WNT7B: variants seen among roughly 807,000 people sequenced by gnomAD.
WNT7B encodes the protein Wnt family member 7B.
In WNT7B, 19 loss-of-function variants were observed where a neutral mutation model predicts 38.2. The ratio of observed to expected loss-of-function variants is 0.50; its 90% CI spans 0.35 to 0.73. WNT7B has a LOEUF of 0.73. Among genes scored for constraint, WNT7B ranks in the 30% least tolerant of loss-of-function variants. The probability of loss-of-function intolerance (pLI) is 0.01; values close to 1 mark genes in which losing one functional copy is unlikely to be tolerated. For synonymous variants in WNT7B, 243 were observed against 209.3 expected, an observed-to-expected ratio of 1.16 and a Z score of -1.39; for missense variants, 423 against 507.9, an observed-to-expected ratio of 0.83 and a Z score of 1.61.
Position 45,931,202 on chromosome 22 carries a change from C to G in WNT7B, c.466G>C (p.Val156Leu). ...GWKWGGCSAD[V>L]RYGIDFSRRF... ...CGGGAGAAGTCGATGCCGTAACGCA[C>G]GTCGGCCGAGCAGCCGCCCCACTTC... The change falls in exon 3 of 4, where the codon GTG becomes CTG. Residue 156 changes from valine (V) to leucine (L), a missense_variant. Physicochemically the swap from Val to Leu is conservative, Grantham distance 32. Coordinates refer to ENST00000339464, the MANE Select transcript of WNT7B (RefSeq NM_058238.3). 1.3e-6 allele frequency: 2 copies of G among 1,599,458 alleles called. No homozygotes were observed. The highest frequency in any genetic ancestry group is 1.7e-6 in the Non-Finnish European group (2 of 1,179,826).
intron 3 of WNT7B, among the ~76,000 whole-genome samples, chr22:45,929,870 A>G (rs1168293691): frequency 6.7e-6 from 1 of 149,218 alleles, no homozygotes; most frequent in South Asian, 2.1e-4. Flanking sequence ...CCATCCATCC[A>G]TCCAACCATC....
At chr22:45,946,740 A>T (rs978732442) in intron 2 of WNT7B, among the ~76,000 whole-genome samples, 1 of 152,154 alleles carries the variant, frequency 6.6e-6, no homozygotes, top group African/African-American at 2.4e-5. Flanking sequence ...CTTAGAAGAA[A>T]CCATCTGTCT....
At chr22:45,949,374 A>G (rs1222673809) in intron 2 of WNT7B, among the ~76,000 whole-genome samples, 1 of 105,716 alleles carries the variant, frequency 9.5e-6, no homozygotes, top group Non-Finnish European at 1.8e-5. Flanking sequence ...CCCGTGCTCC[A>G]CGTGTCATGC....
chr22:45,922,218 C>G lies in WNT7B; in HGVS notation c.*638G>C, dbSNP rs1313137401. ...GTGGTCCCCATCAACCCCAGGCTGC[C>G]TCAGCTCTGCAGGGGCAGAGGGCCG... On this transcript the variant is annotated 3_prime_UTR_variant, in exon 4 of 4. Coordinates refer to ENST00000339464, the MANE Select transcript of WNT7B (RefSeq NM_058238.3). The G allele has an allele frequency of 1.3e-5, 2 of 153,016 alleles. No homozygotes were observed. Among genetic ancestry groups the G allele is most frequent in the Non-Finnish European group, 2.9e-5 (2 of 68,676 alleles). The allele number at this position is 153,016 out of a possible 1,614,324, so 9.5% of individuals were successfully genotyped here.
At chr22:45,924,642 T>TCAGGTGGGTGC (rs1931019502) in intron 3 of WNT7B, among the ~76,000 whole-genome samples, 1 of 152,086 alleles carries the variant, frequency 6.6e-6, no homozygotes, top group Non-Finnish European at 1.5e-5. Flanking sequence ...CAAAGGCTCA[T>TCAGGTGGGTGC]CAGGTGGGTG....
rs1185820602 is a variant in WNT7B at position 45,975,519 on chromosome 22, C to A, written c.71+1165G>T. ...TCTGAAGCCACTGGCTTTGTCTCTG[C>A]AGGCCTTGGGCCTCAGTTTCTCCAC... is the stretch of plus-strand genomic sequence containing the variant. On this transcript the variant is annotated intron_variant, in intron 1 of 3. Transcript: ENST00000339464. This position sits in a 1 kb window ranked among gnomAD's most constrained non-coding sequence, Gnocchi z 6.6. The A allele has an allele frequency of 2.8e-6, 2 of 716,230 alleles. No individual in the cohort carries two copies. Among genetic ancestry groups the A allele is most frequent in the Admixed American group, 2.0e-5 (1 of 49,904 alleles). 44.4% of individuals were successfully genotyped at this position (716,230 alleles called of 1,614,324 possible).
rs1932454505 is a variant in WNT7B at position 45,972,043 on chromosome 22, C to G, written c.71+4641G>C. On this transcript the variant is annotated intron_variant, in intron 1 of 3. Transcript: ENST00000339464. ...CCCGGCTCCCGCGCGCGACGGTCAC[C>G]CGGTGCCCCGCCCAGGGGCCTCGCT... 5 of 471,056 alleles carry G rather than the reference C, an allele frequency of 1.1e-5. No homozygotes were observed. In the South Asian group the frequency reaches 1.6e-4, roughly 15 times the overall value. 29.2% of individuals were successfully genotyped at this position (471,056 alleles called of 1,614,324 possible). A position where few individuals can be genotyped will look rare whatever the true frequency, so the allele number is the denominator to read the frequency against.
At position 45,922,812 on chromosome 22, in the gene WNT7B, G is replaced by A. The variant is rs1244477149; in HGVS notation, c.*44C>T. On this transcript the variant is annotated 3_prime_UTR_variant, in exon 4 of 4. Coordinates refer to ENST00000339464, the MANE Select transcript of WNT7B (RefSeq NM_058238.3). ...AAGGTGAGGAGTGGATGTGCAAAAT[G>A]CCGCCGGGTTCCAGGGTGCCCGCGG... The A allele has an allele frequency of 6.4e-7, 1 of 1,558,140 alleles. No homozygotes were observed. Among genetic ancestry groups the A allele is most frequent in the East Asian group, 2.3e-5 (1 of 44,234 alleles).
intron 3 of WNT7B, among the ~76,000 whole-genome samples, chr22:45,929,966 A>G (rs2082685985): frequency 6.6e-6 from 1 of 150,600 alleles, no homozygotes; most frequent in Admixed American, 6.6e-5. Flanking sequence ...TCATACATCT[A>G]TCCATCCATC....
chr22:45,937,842 T>C (rs947390982), intron 2 of WNT7B, among the ~76,000 whole-genome samples: 3 of 151,994 alleles, frequency 2.0e-5, no homozygotes, highest in African/African-American at 7.3e-5. Context: ...AAACCCCAGG[T>C]CTACTAAAAA....
At position 45,976,621 on chromosome 22, in the gene WNT7B, C is replaced by T. The variant is rs1932556883; in HGVS notation, c.71+63G>A. 6.4e-7 allele frequency: 1 copy of T among 1,554,774 alleles called. No homozygotes were observed. Among genetic ancestry groups the T allele is most frequent in the Non-Finnish European group, 8.7e-7 (1 of 1,143,082 alleles). Reference sequence around the variant, plus strand: ...TCCCCACGTCCCCACGGGGACGCCCCGGAGGCAGCTCCTTCGTGCTGTCTT... The same window carrying T: ...TCCCCACGTCCCCACGGGGACGCCCTGGAGGCAGCTCCTTCGTGCTGTCTT... On this transcript the variant is annotated intron_variant, in intron 1 of 3. Coordinates refer to ENST00000339464, the MANE Select transcript of WNT7B (RefSeq NM_058238.3). The surrounding 1 kb of genome is among the most constrained non-coding windows in gnomAD (Gnocchi z 8.5).
In WNT7B at chr22:45,961,477, C is replaced by T. The variant is rs191239367; in HGVS notation, c.72-11331G>A. Among the ~76,000 whole-genome samples the T allele has an allele frequency of 2.1e-4, 31 of 147,280 alleles. No homozygotes were observed. In the East Asian group the frequency reaches 6.8e-3, roughly 32 times the overall value. On this transcript the variant is annotated intron_variant, in intron 1 of 3. Transcript: ENST00000339464. ...CGTTTCCCACCCTGTCCCACCCTCT[C>T]CCCACTGTGGTTCCCCTGGCTGGTC...
chr22:45,927,674 T>C, intron 3 of WNT7B: 2 of 715,624 alleles, frequency 2.8e-6, no homozygotes, highest in East Asian at 5.4e-5. Context: ...GGCGGGCAGA[T>C]CACCTGAGGT....
chr22:45,926,015 G>A (rs1931072345), intron 3 of WNT7B: 1 of 985,396 alleles, frequency 1.0e-6, no homozygotes. Context: ...TCAAGGCCAG[G>A]GAACCCAGCT....
intron 1 of WNT7B, among the ~76,000 whole-genome samples, chr22:45,973,716 A>C (rs1932498824): frequency 6.6e-6 from 1 of 152,210 alleles, no homozygotes; most frequent in African/African-American, 2.4e-5. Flanking sequence ...TGAAGCCATC[A>C]GGTTTTCAAA....
intron 1 of WNT7B, chr22:45,954,539 T>A (rs2146737193): frequency 1.0e-6 from 1 of 980,572 alleles, no homozygotes; most frequent in East Asian, 1.1e-4. Flanking sequence ...CTGCTTGCCT[T>A]CTTGCACGCT....
At chr22:45,950,849 G>C (rs1052324939) in intron 1 of WNT7B, among the ~76,000 whole-genome samples, 1 of 152,226 alleles carries the variant, frequency 6.6e-6, no homozygotes, top group African/African-American at 2.4e-5. Context: ...AGGGTGACTG[G>C]GTGCACGCAG....
intron 1 of WNT7B, among the ~76,000 whole-genome samples, chr22:45,958,652 C>T (rs778300966): frequency 6.6e-6 from 1 of 152,196 alleles, no homozygotes; most frequent in Non-Finnish European, 1.5e-5. Flanking sequence ...AGTTCAGCAG[C>T]CTGCCTGGTA....
intron 1 of WNT7B, among the ~76,000 whole-genome samples, chr22:45,962,118 C>T (rs892685920): frequency 8.6e-5 from 13 of 151,988 alleles, no homozygotes; most frequent in African/African-American, 3.1e-4. Flanking sequence ...GCCTGGGACC[C>T]CACCCTGGAG....
Sources: gnomAD v4.1 joint callset for allele counts (sites outside exome capture counted in the v4.1 genomes callset) on GRCh38, gnomAD v4.1.1 for gene constraint, Gnocchi (gnomAD v3.1) non-coding constraint, MANE v1.5 for transcripts, NCBI Gene and HGNC (gene_info 2026-07-23, HGNC 2026-07-21) for gene names.